The following KIAA0825 variants were observed in gnomAD, a reference collection of about 807,000 sequenced individuals.
KIAA0825 encodes the protein KIAA0825, also known as uncharacterized protein KIAA0825.
In KIAA0825, 119 loss-of-function variants were observed where a neutral mutation model predicts 147.6. The observed-to-expected ratio is 0.81, with a 90% CI of 0.69 to 0.94. KIAA0825 has a LOEUF of 0.94. KIAA0825 is among the 40% of genes least tolerant of loss of function. The pLI, the probability that KIAA0825 is intolerant of heterozygous loss-of-function variation, is 0.00. For missense variants in KIAA0825, 1,381 were observed against 1,472.7 expected, an observed-to-expected ratio of 0.94 and a Z score of 1.02; for synonymous variants, 470 against 518.1, an observed-to-expected ratio of 0.91 and a Z score of 1.26.
intron 15 of KIAA0825, 129 bp from the exon 16 acceptor site, chr5:94,403,922 A>G: frequency 1.5e-6 from 1 of 686,234 alleles, no homozygotes; most frequent in Non-Finnish European, 2.4e-6. Flanking sequence ...CTTAACCAAG[A>G]AATCATATGA....
intron 3 of KIAA0825, among the ~76,000 whole-genome samples, chr5:94,530,421 A>T (rs970551780): frequency 6.6e-6 from 1 of 152,056 alleles, no homozygotes; most frequent in Admixed American, 6.5e-5. Context: ...AGTAGCTAGG[A>T]CTACAGGCAT....
intron 1 of KIAA0825, among the ~76,000 whole-genome samples, chr5:94,616,401 CTA>C (rs1377113490): frequency 7.8e-6 from 1 of 128,320 alleles, no homozygotes; most frequent in Non-Finnish European, 1.8e-5. Context: ...ATTCCTGAAA[CTA>C]TGTGATAATC....
intron 20 of KIAA0825, among the ~76,000 whole-genome samples, chr5:94,158,539 A>G (rs893222775): frequency 3.3e-5 from 5 of 152,204 alleles, no homozygotes; most frequent in African/African-American, 4.8e-5. Flanking sequence ...CAAAATGTCA[A>G]TATATCCTAC....
intron 12 of KIAA0825, among the ~76,000 whole-genome samples, chr5:94,458,609 C>T (rs925493929): frequency 2.6e-5 from 4 of 151,856 alleles, no homozygotes; most frequent in East Asian, 1.9e-4. Flanking sequence ...TTTAATTTTG[C>T]GTTTTTTAAA....
At chr5:94,198,362 T>C (rs1562308212) in intron 20 of KIAA0825, among the ~76,000 whole-genome samples, 2 of 152,198 alleles carry the variant, frequency 1.3e-5, no homozygotes, top group Admixed American at 6.5e-5. Context: ...GGGCAGAGAC[T>C]GTGGTGTTTT....
At chr5:94,541,165 C>T (rs747410115) in intron 2 of KIAA0825, among the ~76,000 whole-genome samples, 1 of 152,168 alleles carries the variant, frequency 6.6e-6, no homozygotes, top group African/African-American at 2.4e-5. Context: ...AACTGTACAA[C>T]TTGCCTGTTT....
intron 20 of KIAA0825, among the ~76,000 whole-genome samples, chr5:94,276,605 G>A (rs1270129896): frequency 1.3e-5 from 2 of 152,126 alleles, no homozygotes; most frequent in Non-Finnish European, 2.9e-5. Flanking sequence ...ACCGTTGTCA[G>A]CTTGATGAGG....
chr5:94,207,294 A>G (rs1772295719), intron 20 of KIAA0825, among the ~76,000 whole-genome samples: 1 of 152,214 alleles, frequency 6.6e-6, no homozygotes, highest in African/African-American at 2.4e-5. Context: ...TTTTTATACC[A>G]GTTCTAAAAC....
At chr5:94,232,128 A>C (rs1194851248) in intron 20 of KIAA0825, among the ~76,000 whole-genome samples, 1 of 152,120 alleles carries the variant, frequency 6.6e-6, no homozygotes, top group Non-Finnish European at 1.5e-5. Context: ...GCAGCTACAC[A>C]GAATTGTAGG....
chr5:94,335,839 T>C (rs1273152131), intron 20 of KIAA0825, among the ~76,000 whole-genome samples: 3 of 152,132 alleles, frequency 2.0e-5, no homozygotes, highest in African/African-American at 4.8e-5. Context: ...TATTATTGAG[T>C]CACTTACTAA....
chr5:94,263,935 G>A (rs1776621191), intron 20 of KIAA0825, among the ~76,000 whole-genome samples: 1 of 152,136 alleles, frequency 6.6e-6, no homozygotes, highest in Non-Finnish European at 1.5e-5. Flanking sequence ...CCTGAATCTA[G>A]TTTGAGGTTA....
Position 94,192,467 on chromosome 5 carries a change from T to G in KIAA0825, c.3711-38343A>C, listed in dbSNP as rs368446678. Among the ~76,000 whole-genome samples, 7 of 152,340 alleles carry G rather than the reference T, an allele frequency of 4.6e-5. 1 individual carries two copies. The highest frequency in any genetic ancestry group is 1.7e-4 in the African/African-American group (7 of 41,578). The stretch of plus-strand genomic sequence containing the variant: ...TTTTCTTTTATGGTAAAAAGAAATA[T>G]ACTATATATGTTTTATAGATTGTTA... On this transcript the variant is annotated intron_variant, in intron 20 of 20. Transcript: ENST00000682413.
chr5:94,352,219 C>T (rs1453819719), intron 20 of KIAA0825, among the ~76,000 whole-genome samples: 1 of 152,120 alleles, frequency 6.6e-6, no homozygotes, highest in Non-Finnish European at 1.5e-5. Flanking sequence ...AACAAATCAG[C>T]AAGAACAAAA....
chr5:94,348,583 C>T (rs555447530), intron 20 of KIAA0825, among the ~76,000 whole-genome samples: 4 of 152,264 alleles, frequency 2.6e-5, no homozygotes, highest in African/African-American at 9.6e-5. Flanking sequence ...TCACCTAGCA[C>T]ATAGGACTCA....
At chr5:94,609,717 G>A (rs1788333797) in intron 1 of KIAA0825, among the ~76,000 whole-genome samples, 2 of 152,146 alleles carry the variant, frequency 1.3e-5, no homozygotes, top group African/African-American at 2.4e-5. Flanking sequence ...GGGAGGCCGA[G>A]GCAGGAGAAT....
intron 17 of KIAA0825, among the ~76,000 whole-genome samples, chr5:94,394,829 T>C (rs1339063415): frequency 6.6e-6 from 1 of 152,174 alleles, no homozygotes; most frequent in Non-Finnish European, 1.5e-5. Context: ...CCAATGTTAC[T>C]AAGCATTTGC....
intron 20 of KIAA0825, among the ~76,000 whole-genome samples, chr5:94,165,430 C>G (rs1277678691): frequency 6.6e-6 from 1 of 152,000 alleles, no homozygotes; most frequent in Non-Finnish European, 1.5e-5. Flanking sequence ...TAATATAACC[C>G]CTAAGGAAAA....
chr5:94,429,659 T>C (rs1755395350), intron 14 of KIAA0825, among the ~76,000 whole-genome samples: 1 of 152,154 alleles, frequency 6.6e-6, no homozygotes, highest in Non-Finnish European at 1.5e-5. Context: ...AGCTCCCTAC[T>C]CAGCCCTGGG....
At chr5:94,276,714 AATT>A in intron 20 of KIAA0825, among the ~76,000 whole-genome samples, 1 of 149,500 alleles carries the variant, frequency 6.7e-6, no homozygotes, top group Non-Finnish European at 1.5e-5. Context: ...TTTAATTCTT[AATT>A]ATTTAATTAT....
Sources: gnomAD v4.1 joint callset for allele counts (sites outside exome capture counted in the v4.1 genomes callset) on GRCh38, gnomAD v4.1.1 for gene constraint, MANE v1.5 for transcripts, NCBI Gene and HGNC (gene_info 2026-07-23, HGNC 2026-07-21) for gene names.